The following EYA1 variants were observed in gnomAD, a reference collection of about 807,000 sequenced individuals.
The protein encoded by EYA1 is EYA transcriptional coactivator and phosphatase 1.
A neutral mutation model predicts 82.0 loss-of-function variants in EYA1; 16 were observed. The observed-to-expected ratio is 0.20, with a 90% CI of 0.13 to 0.30. The LOEUF is 0.30. EYA1 is among the 10% of genes least tolerant of loss of function. The pLI is 1.00. For missense variants in EYA1, 633 were observed against 730.7 expected (o/e 0.87, Z 1.54); for synonymous variants, 261 against 264.4 (o/e 0.99, Z 0.12).
At chr8:71,389,092 CA>C (rs1829129672) in intron 2 of EYA1, among the ~76,000 whole-genome samples, 1 of 151,856 alleles carries the variant, frequency 6.6e-6, no homozygotes, top group South Asian at 2.1e-4. Flanking sequence ...CAGACACACA[CA>C]GGCAGAGAGA....
At chr8:71,470,741 GA>G (rs1205349179) in intron 2 of EYA1, 1 of 341,530 alleles carries the variant, frequency 2.9e-6, no homozygotes, top group Non-Finnish European at 5.7e-6. Context: ...GATTAAGGGG[GA>G]AAACATCACC....
chr8:71,361,929 A>T lies in EYA1; in HGVS notation c.-337T>A, dbSNP rs1403834906. 2 of 985,314 alleles carry T rather than the reference A, an allele frequency of 2.0e-6. No individual in the cohort carries two copies. Among genetic ancestry groups the T allele is most frequent in the Non-Finnish European group, 2.4e-6 (2 of 829,972 alleles). 61.0% of individuals were successfully genotyped at this position (985,314 alleles called of 1,614,324 possible). On this transcript the variant is annotated 5_prime_UTR_variant, in exon 1 of 18. Coordinates refer to ENST00000340726, the MANE Select transcript of EYA1 (RefSeq NM_000503.6). The stretch of plus-strand genomic sequence containing the variant: ...CCCGCCACAGTGGACGGCAACAGGA[A>T]GGCTTAAAGTCGGAAGTGGCACTGG...
chr8:71,275,884 G>C (rs1160643292), intron 9 of EYA1, among the ~76,000 whole-genome samples: 1 of 152,150 alleles, frequency 6.6e-6, no homozygotes, highest in Non-Finnish European at 1.5e-5. Context: ...CAGCTGTGCT[G>C]ACCACTTGCT....
At chr8:71,380,669 CCCTGTTAGTGTAG>C (rs1175778673) in intron 2 of EYA1, among the ~76,000 whole-genome samples, 1 of 152,214 alleles carries the variant, frequency 6.6e-6, no homozygotes, top group Non-Finnish European at 1.5e-5. Context: ...ATAATCTCAT[CCCTGTTAGTGTAG>C]CCAACTAGCT....
chr8:71,217,653 A>AAT (rs60251287), intron 12 of EYA1, among the ~76,000 whole-genome samples: 70,720 of 151,912 alleles, frequency 0.47, 18,865 homozygotes, highest in East Asian at 0.78. Context: ...CCTAAATAAA[A>AAT]AGTCAAACCA....
At chr8:71,437,724 A>G (rs914099995) in intron 2 of EYA1, among the ~76,000 whole-genome samples, 1 of 152,112 alleles carries the variant, frequency 6.6e-6, no homozygotes, top group African/African-American at 2.4e-5. Flanking sequence ...GTAAAATTAT[A>G]TATACACAAC....
intron 2 of EYA1, among the ~76,000 whole-genome samples, chr8:71,457,846 C>T (rs539216216): frequency 6.6e-6 from 1 of 152,180 alleles, no homozygotes; most frequent in African/African-American, 2.4e-5. Context: ...AACAAACCTG[C>T]ACGTTATGCA....
chr8:71,535,818 A>C, exon 2 of EYA1: 1 of 1,398,226 alleles, frequency 7.2e-7, no homozygotes, highest in South Asian at 1.4e-5. Flanking sequence ...TTAGCTACAC[A>C]CTTCTTCAAA....
At chr8:71,325,309 G>A (rs78735446) in intron 4 of EYA1, among the ~76,000 whole-genome samples, 3,908 of 151,966 alleles carry the variant, frequency 0.026, 181 homozygotes, top group East Asian at 0.13. Context: ...TTAGGATAAC[G>A]TCTTCCTTCT....
chr8:71,296,543 G>A (rs1819613448), intron 9 of EYA1, among the ~76,000 whole-genome samples: 1 of 151,304 alleles, frequency 6.6e-6, no homozygotes, highest in Admixed American at 6.6e-5. Flanking sequence ...GCAGAAACCA[G>A]GTCATACATA....
At chr8:71,479,709 T>G (rs75184113) in intron 2 of EYA1, among the ~76,000 whole-genome samples, 4 of 150,094 alleles carry the variant, frequency 2.7e-5, no homozygotes, top group African/African-American at 9.8e-5. Flanking sequence ...TATAATTCTA[T>G]GGCCCAAGCA....
chr8:71,352,388 C>T (rs943222900), intron 3 of EYA1, among the ~76,000 whole-genome samples: 10 of 152,102 alleles, frequency 6.6e-5, no homozygotes, highest in Non-Finnish European at 1.0e-4. Flanking sequence ...CATGTAACAC[C>T]GATCGTGAGG....
At chr8:71,527,789 C>A (rs565550301) in intron 2 of EYA1, among the ~76,000 whole-genome samples, 1 of 152,272 alleles carries the variant, frequency 6.6e-6, no homozygotes, top group African/African-American at 2.4e-5. Context: ...TCTATGGCAA[C>A]TTTCATGCCA....
chr8:71,263,389 T>C (rs141463180), intron 11 of EYA1, among the ~76,000 whole-genome samples: 79 of 152,324 alleles, frequency 5.2e-4, no homozygotes, highest in Non-Finnish European at 8.5e-4. Context: ...CACCAAACCA[T>C]GCCCAAACCA....
At chr8:71,346,594 G>T (rs1825769661) in intron 3 of EYA1, among the ~76,000 whole-genome samples, 1 of 151,492 alleles carries the variant, frequency 6.6e-6, no homozygotes, top group Non-Finnish European at 1.5e-5. Flanking sequence ...TTGTTTCTTG[G>T]ACTATGTGGA....
chr8:71,339,367 G>A, intron 3 of EYA1, among the ~76,000 whole-genome samples: 1 of 152,078 alleles, frequency 6.6e-6, no homozygotes, highest in Non-Finnish European at 1.5e-5. Context: ...AGATGGATGA[G>A]TATAGCAGAA....
intron 7 of EYA1, among the ~76,000 whole-genome samples, chr8:71,305,766 T>C (rs1820669279): frequency 6.6e-6 from 1 of 152,178 alleles, no homozygotes; most frequent in Non-Finnish European, 1.5e-5. Flanking sequence ...TGGAAAATTT[T>C]TCCCTTCACA....
chr8:71,388,657 A>C (rs1563560523), intron 2 of EYA1, among the ~76,000 whole-genome samples: 1 of 152,172 alleles, frequency 6.6e-6, no homozygotes, highest in Non-Finnish European at 1.5e-5. Context: ...GCCACATTAC[A>C]CAAATAAAAA....
At chr8:71,536,354 T>G (rs1814710946) in intron 1 of EYA1, among the ~76,000 whole-genome samples, 1 of 152,214 alleles carries the variant, frequency 6.6e-6, no homozygotes, top group African/African-American at 2.4e-5. Context: ...ATTATTATAC[T>G]ATTTCTTAGC....
Sources: allele counts gnomAD v4.1 joint callset (sites outside exome capture counted in the v4.1 genomes callset), GRCh38; gene constraint gnomAD v4.1.1; transcripts MANE v1.5; gene names NCBI Gene and HGNC (gene_info 2026-07-23, HGNC 2026-07-21).